Variants in CTCF observed in about 807,000 individuals in gnomAD.
CTCF encodes the protein CCCTC-binding factor.
In CTCF, 7 loss-of-function variants were observed where a neutral mutation model predicts 72.3. The observed-to-expected ratio is 0.10, with a 90% CI of 0.06 to 0.18. The LOEUF (loss-of-function observed/expected upper bound fraction) is 0.18, where lower values mean the gene tolerates loss of function less well. CTCF is among the 10% of genes least tolerant of loss of function. The pLI is 1.00. For missense variants in CTCF, 516 were observed against 949.1 expected (o/e 0.54, Z 6.00); for synonymous variants, 374 against 315.8 (o/e 1.18, Z -1.95).
chr16:67,636,569 GTA>G (rs66893507), intron 10 of CTCF, 119 bp from the exon 11 acceptor site: 11,403 of 238,390 alleles, frequency 0.048, no homozygotes, highest in East Asian at 0.098. Context: ...GAAAGAAAGT[GTA>G]TATATATATA....
intron 2 of CTCF, among the ~76,000 whole-genome samples, chr16:67,595,665 A>G (rs1205198109): frequency 6.6e-6 from 1 of 152,076 alleles, no homozygotes; most frequent in Non-Finnish European, 1.5e-5. Context: ...TATTTTATAG[A>G]AAAGAAAACT....
intron 7 of CTCF, among the ~76,000 whole-genome samples, chr16:67,622,810 A>ATTTTTTTTT: frequency 6.8e-6 from 1 of 146,520 alleles, no homozygotes; most frequent in African/African-American, 2.6e-5. Flanking sequence ...TGCCCGGCTA[A>ATTTTTTTTT]ATTTTTTTTT....
At chr16:67,625,438 G>T (rs1048848452) in intron 7 of CTCF, among the ~76,000 whole-genome samples, 1 of 152,220 alleles carries the variant, frequency 6.6e-6, no homozygotes, top group East Asian at 1.9e-4. Flanking sequence ...CACCTCAGGT[G>T]ATCCACCTGC....
intron 2 of CTCF, among the ~76,000 whole-genome samples, chr16:67,591,241 A>G (rs1431384595): frequency 6.6e-6 from 1 of 151,054 alleles, no homozygotes; most frequent in Non-Finnish European, 1.5e-5. Flanking sequence ...GCAGTGAGCC[A>G]AGATCTCACC....
rs181098116 is a variant in CTCF, at chr16:67,628,888, G to A, written c.1701+336G>A. ...ATCCTGGCTAACATGGTGAAACACC[G>A]TCTCTACTAAAAATACAAAAAATTA... is the stretch of plus-strand genomic sequence containing the variant. On this transcript the variant is annotated intron_variant, in intron 9 of 11. Coordinates refer to ENST00000264010, the MANE Select transcript of CTCF (RefSeq NM_006565.4). Among the ~76,000 whole-genome samples, 147 of 152,222 alleles carry A rather than the reference G, an allele frequency of 9.7e-4. 1 individual carries two copies. Among genetic ancestry groups the A allele is most frequent in the African/African-American group, 3.0e-3 (124 of 41,538 alleles).
At chr16:67,574,426 C>A (rs1421212102) in intron 2 of CTCF, among the ~76,000 whole-genome samples, 3 of 152,058 alleles carry the variant, frequency 2.0e-5, no homozygotes, top group African/African-American at 7.2e-5. Flanking sequence ...ACTGCAACTT[C>A]CCCCTCCCAG....
At chr16:67,587,074 A>G (rs1597691971) in intron 2 of CTCF, among the ~76,000 whole-genome samples, 1 of 139,164 alleles carries the variant, frequency 7.2e-6, no homozygotes, top group Non-Finnish European at 1.6e-5. Context: ...TAAAGATGTC[A>G]TTTTAGGGTA....
intron 5 of CTCF, among the ~76,000 whole-genome samples, chr16:67,618,577 A>G (rs1045568471): frequency 6.6e-6 from 1 of 152,238 alleles, no homozygotes; most frequent in African/African-American, 2.4e-5. Context: ...CAAGAAATGA[A>G]TTATTAATGG....
chr16:67,622,295 G>A (rs2052211127), intron 7 of CTCF, among the ~76,000 whole-genome samples: 1 of 151,712 alleles, frequency 6.6e-6, no homozygotes, highest in Non-Finnish European at 1.5e-5. Context: ...GGTGGAGCTT[G>A]CAGTGAGCAG....
rs759192238 is a variant in CTCF, at chr16:67,626,542, A to C, written c.1358-13A>C. On this transcript the variant is annotated splice_polypyrimidine_tract_variant and intron_variant, in intron 7 of 11. Transcript: ENST00000264010. ...GTTTTCACATTACCCTGGGCTTTTTACTGTGCTTTCAGGTGTCCACTTGCG... is the reference window on the plus strand; with the variant it reads ...GTTTTCACATTACCCTGGGCTTTTTCCTGTGCTTTCAGGTGTCCACTTGCG... 1 of 1,441,816 alleles carries C rather than the reference A, an allele frequency of 6.9e-7. No individual in the cohort carries two copies. Among genetic ancestry groups the C allele is most frequent in the East Asian group, 2.5e-5 (1 of 39,978 alleles). 89.3% of individuals were successfully genotyped at this position (1,441,816 alleles called of 1,614,324 possible).
At chr16:67,603,303 G>A (rs1293889386) in intron 2 of CTCF, among the ~76,000 whole-genome samples, 2 of 152,040 alleles carry the variant, frequency 1.3e-5, no homozygotes, top group Admixed American at 6.6e-5. Flanking sequence ...GGCTGAGGTG[G>A]GGGATCACGA....
At chr16:67,607,753 C>T (rs1283580309) in intron 2 of CTCF, among the ~76,000 whole-genome samples, 1 of 151,918 alleles carries the variant, frequency 6.6e-6, no homozygotes, top group Non-Finnish European at 1.5e-5. Context: ...GGCGTGGTGG[C>T]TCACGCCTGT....
intron 2 of CTCF, among the ~76,000 whole-genome samples, chr16:67,582,959 C>T (rs1304085427): frequency 2.0e-5 from 3 of 151,240 alleles, no homozygotes; most frequent in African/African-American, 2.4e-5. Flanking sequence ...CTTAAATCTC[C>T]AATTTCTTTT....
intron 2 of CTCF, among the ~76,000 whole-genome samples, chr16:67,591,618 C>G (rs1286254511): frequency 6.6e-6 from 1 of 151,994 alleles, no homozygotes; most frequent in African/African-American, 2.4e-5. Flanking sequence ...AGCTTTTACT[C>G]TAAAAGAGTT....
Position 67,626,555 on chromosome 16 carries a change from G to A in CTCF, c.1358G>A (p.Gly453Asp). The A allele has an allele frequency of 6.8e-7, 1 of 1,473,474 alleles. No homozygotes were observed. Among genetic ancestry groups the A allele is most frequent in the South Asian group, 1.4e-5 (1 of 70,492 alleles). 91.3% of individuals were successfully genotyped at this position (1,473,474 alleles called of 1,614,324 possible). The change falls in exon 8 of 12, where the codon GGT becomes GAT. Residue 453 changes from glycine (G) to aspartate (D), a missense_variant and splice_region_variant. Gly to Asp is a moderately conservative substitution (Grantham distance 94). Around this residue, in one of 7 missense-constraint regions of CTCF, gnomAD observed 81 missense variants for 184.3 expected, o/e 0.44. Coordinates refer to ENST00000264010, the MANE Select transcript of CTCF (RefSeq NM_006565.4). ...DTVIARKSDL[G>D]VHLRKQHSYI... ...CCTGGGCTTTTTACTGTGCTTTCAG[G>A]TGTCCACTTGCGAAAGCAGCATTCC...
At chr16:67,595,846 T>C (rs1383173635) in intron 2 of CTCF, among the ~76,000 whole-genome samples, 1 of 152,196 alleles carries the variant, frequency 6.6e-6, no homozygotes, top group Non-Finnish European at 1.5e-5. Context: ...TAAAGCACTA[T>C]TTTTGATGTC....
rs2052463013 is a variant in CTCF, at chr16:67,638,496, C to T, written c.*624C>T. On this transcript the variant is annotated 3_prime_UTR_variant, in exon 12 of 12. Transcript: ENST00000264010. ...TGAAAAGAAGTGCAGTGTAAGAAAA[C>T]CCAGCATTTTAATTACTTGCAAATT... 1 of 225,530 alleles carries T rather than the reference C, an allele frequency of 4.4e-6. No individual in the cohort carries two copies. Among genetic ancestry groups the T allele is most frequent in the South Asian group, 1.8e-4 (1 of 5,464 alleles). The allele number at this position is 225,530 out of a possible 1,614,324, so 14.0% of individuals were successfully genotyped here. A position where few individuals can be genotyped will look rare whatever the true frequency, so the allele number is the denominator to read the frequency against.
chr16:67,603,803 C>G (rs1196181394), intron 2 of CTCF, among the ~76,000 whole-genome samples: 1 of 143,738 alleles, frequency 7.0e-6, no homozygotes. Context: ...TCAGCCTGGG[C>G]AACAGTGCAA....
chr16:67,580,050 C>T (rs1018027081), intron 2 of CTCF, among the ~76,000 whole-genome samples: 11 of 152,102 alleles, frequency 7.2e-5, no homozygotes, highest in Admixed American at 2.0e-4. Flanking sequence ...TTTAGAAATC[C>T]GTGGCCGCTG....
Sources: gnomAD v4.1 joint callset for allele counts (sites outside exome capture counted in the v4.1 genomes callset) on GRCh38, gnomAD v4.1.1 for gene constraint, gnomAD v4.1.1 regional missense constraint, MANE v1.5 for transcripts, NCBI Gene and HGNC (gene_info 2026-07-23, HGNC 2026-07-21) for gene names.